The following PRTG variants were observed in gnomAD, a reference collection of about 807,000 sequenced individuals.
The protein encoded by PRTG is immunoglobulin superfamily, DCC subclass, member 5.
PRTG carries 67 observed loss-of-function variants against 122.5 expected under a neutral mutation model. The observed-to-expected ratio is 0.55, with a 90% confidence interval of 0.45 to 0.67. The LOEUF (loss-of-function observed/expected upper bound fraction) is 0.67, where lower values mean the gene tolerates loss of function less well. Among genes scored for constraint, PRTG ranks in the 30% least tolerant of loss-of-function variants. PRTG has a pLI of 0.00. For synonymous variants in PRTG, 554 were observed against 501.1 expected (o/e 1.11, Z -1.41); for missense variants, 1,435 against 1,415.4 (o/e 1.01, Z -0.22).
chr15:55,664,924 A>G (rs2059430154), intron 11 of PRTG, among the ~76,000 whole-genome samples: 1 of 151,844 alleles, frequency 6.6e-6, no homozygotes, highest in South Asian at 2.1e-4. Context: ...TCTCCTAGAC[A>G]ATGTCTTCAC....
intron 11 of PRTG, among the ~76,000 whole-genome samples, chr15:55,662,201 A>T (rs1409321935): frequency 6.6e-6 from 1 of 152,186 alleles, no homozygotes; most frequent in African/African-American, 2.4e-5. Context: ...AAATAAAGTG[A>T]TCTATAACAT....
At chr15:55,738,786 G>GGGGAGGAA in intron 2 of PRTG, 1 of 267,118 alleles carries the variant, frequency 3.7e-6, no homozygotes, top group East Asian at 6.4e-5. Context: ...AGGGAGGGAG[G>GGGGAGGAA]GGGAGGAAGG....
intron 11 of PRTG, among the ~76,000 whole-genome samples, chr15:55,667,354 T>C (rs1289274513): frequency 6.6e-6 from 1 of 152,156 alleles, no homozygotes; most frequent in East Asian, 1.9e-4. Flanking sequence ...AATGTAATAG[T>C]ATTTTTTTAG....
chr15:55,674,636 T>C (rs2059491883), intron 9 of PRTG, among the ~76,000 whole-genome samples: 1 of 152,214 alleles, frequency 6.6e-6, no homozygotes, highest in Non-Finnish European at 1.5e-5. Flanking sequence ...CTAAGTCTGA[T>C]TTTATAAACA....
chr15:55,680,503 A>G lies in PRTG; in HGVS notation c.802T>C (p.Trp268Arg). Residue 268 changes from tryptophan (W) to arginine (R), a missense_variant, in exon 5 of 20, where the codon TGG becomes CGG. Physicochemically the swap from Trp to Arg is moderately radical, Grantham distance 101. Transcript: ENST00000389286. ...ATGNPKPIISWSRLDHKSIDV... is the reference protein window; with the variant it reads ...ATGNPKPIISRSRLDHKSIDV... ...TGAGAAGACTTACCAAGGCGGCTCC[A>G]AGAAATGATTGGTTTGGGATTTCCT... 1.3e-6 allele frequency: 2 copies of G among 1,592,102 alleles called. No homozygotes were observed. Among genetic ancestry groups the G allele is most frequent in the Non-Finnish European group, 1.7e-6 (2 of 1,170,962 alleles).
At position 55,702,982 on chromosome 15, in the gene PRTG, C is replaced by T. The variant is rs368837130; in HGVS notation, c.398-19051G>A. ...ATTCTAAACCTATCTTGGGAATTCT[C>T]ATAATATTCAACATAGCACAGAATC... On this transcript the variant is annotated intron_variant, in intron 2 of 19. Coordinates refer to ENST00000389286, the MANE Select transcript of PRTG (RefSeq NM_173814.6). 61 of 941,400 alleles carry T rather than the reference C, an allele frequency of 6.5e-5. No homozygotes were observed. The South Asian group carries it at 2.5e-3, about 39-fold the overall frequency. The allele number at this position is 941,400 out of a possible 1,614,324, so 58.3% of individuals were successfully genotyped here.
intron 7 of PRTG, 37 bp from the exon 8 acceptor site, chr15:55,678,081 C>A (rs1480403661): frequency 7.5e-7 from 1 of 1,332,224 alleles, no homozygotes; most frequent in Non-Finnish European, 1.0e-6. Context: ...ATGAAAAATT[C>A]TAAGAATGAA....
At chr15:55,742,481 C>G (rs544428594) in intron 1 of PRTG, 4 of 227,568 alleles carry the variant, frequency 1.8e-5, no homozygotes, top group African/African-American at 9.1e-5. Context: ...ACCCGGAGTC[C>G]GGCCGGTCGC....
At chr15:55,681,257 A>G (rs2059536343) in intron 4 of PRTG, 1 of 152,074 alleles carries the variant, frequency 6.6e-6, no homozygotes, top group African/African-American at 2.4e-5. Context: ...AAATTAAAGC[A>G]TAGCATTAAA....
rs559161073 is a variant in PRTG, at chr15:55,710,439, G to A, written c.398-26508C>T. Among the ~76,000 whole-genome samples the A allele has an allele frequency of 1.5e-3, 230 of 152,134 alleles. 1 individual carries two copies. The highest frequency in any genetic ancestry group is 2.5e-3 in the Non-Finnish European group (167 of 68,016). On this transcript the variant is annotated intron_variant, in intron 2 of 19. Transcript: ENST00000389286. Reference sequence around the variant, plus strand: ...TATTTGTAGCACTTTCTTCCCCCCAGGGAAAAGTGTTCTCTTAATCCCAAA... The same window carrying A: ...TATTTGTAGCACTTTCTTCCCCCCAAGGAAAAGTGTTCTCTTAATCCCAAA...
At chr15:55,666,862 C>A (rs570127511) in intron 11 of PRTG, among the ~76,000 whole-genome samples, 1 of 152,114 alleles carries the variant, frequency 6.6e-6, no homozygotes, top group African/African-American at 2.4e-5. Flanking sequence ...AAAATCAATA[C>A]CATTATCCCT....
intron 11 of PRTG, among the ~76,000 whole-genome samples, chr15:55,667,658 T>C (rs896595380): frequency 1.3e-5 from 2 of 152,202 alleles, no homozygotes; most frequent in Non-Finnish European, 2.9e-5. Flanking sequence ...TTTTAAATAT[T>C]CTCTTTTGTT....
chr15:55,702,595 A>G (rs1405959878), intron 2 of PRTG, among the ~76,000 whole-genome samples: 1 of 152,228 alleles, frequency 6.6e-6, no homozygotes, highest in Non-Finnish European at 1.5e-5. Context: ...ATAACACTAT[A>G]CATGAAAAGT....
chr15:55,625,455 CTT>C (rs888711783), intron 17 of PRTG, among the ~76,000 whole-genome samples: 4 of 141,374 alleles, frequency 2.8e-5, no homozygotes, highest in Admixed American at 7.1e-5. Context: ...ATTGTGTTTT[CTT>C]TTTTTTTTTT....
At chr15:55,627,477 C>G (rs1467119423) in intron 16 of PRTG, among the ~76,000 whole-genome samples, 3 of 150,484 alleles carry the variant, frequency 2.0e-5, no homozygotes, top group Non-Finnish European at 3.0e-5. Flanking sequence ...GCACCCACCA[C>G]CAACGCCCAG....
intron 2 of PRTG, among the ~76,000 whole-genome samples, chr15:55,692,862 A>G (rs886439313): frequency 1.1e-3 from 100 of 90,536 alleles, no homozygotes; most frequent in African/African-American, 3.9e-3. Flanking sequence ...TTTTTTTGAG[A>G]TGGAGGCTCA....
chr15:55,628,800 G>C (rs1223913206), intron 16 of PRTG, 22 bp downstream of exon 16: 1 of 1,550,102 alleles, frequency 6.5e-7, no homozygotes, highest in Non-Finnish European at 8.7e-7. Context: ...AAAAATCACA[G>C]TGACTACGGC....
At chr15:55,731,976 T>A (rs1567118994) in intron 2 of PRTG, among the ~76,000 whole-genome samples, 1 of 152,194 alleles carries the variant, frequency 6.6e-6, no homozygotes, top group Non-Finnish European at 1.5e-5. Flanking sequence ...CTCAGCTATA[T>A]CGCTCCTAGG....
chr15:55,733,663 C>T (rs898914512), intron 2 of PRTG, among the ~76,000 whole-genome samples: 8 of 151,918 alleles, frequency 5.3e-5, no homozygotes, highest in African/African-American at 1.9e-4. Flanking sequence ...CCTCTCTCTA[C>T]AAAAAATTTA....
Sources: allele counts gnomAD v4.1 joint callset (sites outside exome capture counted in the v4.1 genomes callset), GRCh38; gene constraint gnomAD v4.1.1; transcripts MANE v1.5; gene names NCBI Gene and HGNC (gene_info 2026-07-23, HGNC 2026-07-21).